The following SYT1 variants were observed in gnomAD, a reference collection of about 807,000 sequenced individuals.
SYT1 encodes synaptotagmin-1.
SYT1 carries 8 observed loss-of-function variants against 44.8 expected under a neutral mutation model. The observed-to-expected ratio is 0.18, with a 90% CI of 0.10 to 0.32. The LOEUF (loss-of-function observed/expected upper bound fraction) is 0.32. Ranked by LOEUF, SYT1 falls within the 10% of genes least tolerant of loss-of-function variation. The pLI, the probability that SYT1 is intolerant of heterozygous loss-of-function variation, is 1.00. For missense variants in SYT1, 286 were observed against 509.3 expected (o/e 0.56, Z 4.22); for synonymous variants, 154 against 188.8 (o/e 0.82, Z 1.51).
chr12:79,249,730 A>G (rs1877083058), intron 4 of SYT1, among the ~76,000 whole-genome samples: 1 of 152,202 alleles, frequency 6.6e-6, no homozygotes, highest in Non-Finnish European at 1.5e-5. Flanking sequence ...CTTTACTCCT[A>G]TCAATGAACC....
chr12:79,285,078 C>A (rs569337150), intron 4 of SYT1, among the ~76,000 whole-genome samples: 3 of 152,072 alleles, frequency 2.0e-5, no homozygotes, highest in Non-Finnish European at 2.9e-5. Context: ...TAAGAGCCAC[C>A]GAACACATGA....
chr12:79,054,042 C>A (rs1394941963), intron 3 of SYT1, among the ~76,000 whole-genome samples: 1 of 151,994 alleles, frequency 6.6e-6, no homozygotes, highest in Non-Finnish European at 1.5e-5. Flanking sequence ...AGGCATTGAA[C>A]TAAATTTCAT....
At chr12:79,355,178 G>C (rs942720210) in intron 9 of SYT1, among the ~76,000 whole-genome samples, 1 of 152,136 alleles carries the variant, frequency 6.6e-6, no homozygotes. Flanking sequence ...AGAGAGGCTG[G>C]CTGCAGGCAT....
chr12:78,998,309 T>G (rs1870509687), intron 2 of SYT1, among the ~76,000 whole-genome samples: 1 of 152,224 alleles, frequency 6.6e-6, no homozygotes, highest in Non-Finnish European at 1.5e-5. Context: ...CAGTCAGGAT[T>G]TGACATGAAA....
chr12:79,124,125 T>G (rs1226859148), intron 3 of SYT1, among the ~76,000 whole-genome samples: 1 of 152,174 alleles, frequency 6.6e-6, no homozygotes, highest in African/African-American at 2.4e-5. Context: ...CTCTTGCAAA[T>G]AGCTGATCAA....
chr12:79,239,971 C>T (rs538790557), intron 4 of SYT1, among the ~76,000 whole-genome samples: 2 of 152,332 alleles, frequency 1.3e-5, no homozygotes, highest in African/African-American at 4.8e-5. Flanking sequence ...CAACTGGGCT[C>T]ACCCAGGACA....
intron 3 of SYT1, among the ~76,000 whole-genome samples, chr12:79,050,406 C>T (rs537675290): frequency 2.0e-5 from 3 of 151,902 alleles, no homozygotes; most frequent in African/African-American, 7.2e-5. Flanking sequence ...TAGTTCAAAC[C>T]CGTGTTGTTC....
chr12:79,150,550 TA>T, intron 3 of SYT1, among the ~76,000 whole-genome samples: 1 of 152,270 alleles, frequency 6.6e-6, no homozygotes, highest in Non-Finnish European at 1.5e-5. Flanking sequence ...AGACCATAGT[TA>T]ATAATAATGT....
intron 10 of SYT1, among the ~76,000 whole-genome samples, chr12:79,447,072 T>C (rs1870776800): frequency 6.6e-6 from 1 of 152,180 alleles, no homozygotes; most frequent in Non-Finnish European, 1.5e-5. Context: ...GCTAGGTTTC[T>C]GGGGCAGCAT....
At chr12:79,327,045 T>A (rs959227604) in intron 8 of SYT1, among the ~76,000 whole-genome samples, 13 of 152,154 alleles carry the variant, frequency 8.5e-5, no homozygotes, top group African/African-American at 3.1e-4. Context: ...ATGTTCCTAT[T>A]AAGGCAGTCA....
At chr12:79,348,998 GGAAA>G (rs71865653) in intron 8 of SYT1, among the ~76,000 whole-genome samples, 7,177 of 125,306 alleles carry the variant, frequency 0.057, 394 homozygotes, top group African/African-American at 0.15. Flanking sequence ...AAAGAGAGAA[GGAAA>G]GAAAGAAAGA....
At position 79,114,287 on chromosome 12, in the gene SYT1, G is replaced by A. The variant is rs560660768; in HGVS notation, c.-18+66925G>A. 5.3e-5 allele frequency among the ~76,000 whole-genome samples: 8 copies of A among 152,290 alleles called. No individual in the cohort carries two copies. In the South Asian group the frequency reaches 8.3e-4, roughly 16 times the overall value. On this transcript the variant is annotated intron_variant, in intron 3 of 10. Coordinates refer to ENST00000261205, the MANE Select transcript of SYT1 (RefSeq NM_005639.3). The stretch of plus-strand genomic sequence containing the variant: ...TAATTCATTCCATTCATGCAGTACA[G>A]AGCCTAAGGGAAAATATTTTTTACT...
chr12:79,064,791 C>T (rs942959244), intron 3 of SYT1, among the ~76,000 whole-genome samples: 7 of 151,324 alleles, frequency 4.6e-5, no homozygotes, highest in African/African-American at 1.2e-4. Context: ...AACTATTCTG[C>T]ACCCCAAACA....
intron 8 of SYT1, among the ~76,000 whole-genome samples, chr12:79,332,237 C>G (rs1309494184): frequency 1.3e-5 from 2 of 152,184 alleles, no homozygotes; most frequent in Admixed American, 6.5e-5. Flanking sequence ...AAATTCACAT[C>G]ATACATTTGC....
At chr12:78,921,692 A>G (rs1367932996) in intron 1 of SYT1, among the ~76,000 whole-genome samples, 1 of 151,954 alleles carries the variant, frequency 6.6e-6, no homozygotes, top group Non-Finnish European at 1.5e-5. Flanking sequence ...CATATTTAAC[A>G]GTGAACTCTG....
At position 78,932,491 on chromosome 12, in the gene SYT1, G is replaced by A. The variant is rs901489787; in HGVS notation, c.-216-45308G>A. Among the ~76,000 whole-genome samples, 6 of 152,170 alleles carry A rather than the reference G, an allele frequency of 3.9e-5. No individual in the cohort carries two copies. In the East Asian group the frequency reaches 5.8e-4, roughly 15 times the overall value. ...AATGTCATATGAAAATACAAATTTTGAAAGGATACTATTGCAATGAGCTGT... is the reference window on the plus strand; with the variant it reads ...AATGTCATATGAAAATACAAATTTTAAAAGGATACTATTGCAATGAGCTGT... On this transcript the variant is annotated intron_variant, in intron 1 of 10. Transcript: ENST00000261205.
Position 79,117,410 on chromosome 12 carries a change from C to G in SYT1, c.-18+70048C>G, listed in dbSNP as rs529592337. Among the ~76,000 whole-genome samples the G allele has an allele frequency of 5.1e-4, 77 of 151,922 alleles. 1 individual carries two copies. The South Asian group carries it at 0.015, about 30-fold the overall frequency. The stretch of plus-strand genomic sequence containing the variant: ...CAATTTATTTCAATTTCAGAAGGAG[C>G]AACCAACTCCACAGTGGATGACTGC... On this transcript the variant is annotated intron_variant, in intron 3 of 10. Transcript: ENST00000261205.
chr12:79,034,014 G>A (rs1234542571), intron 2 of SYT1, among the ~76,000 whole-genome samples: 2 of 151,456 alleles, frequency 1.3e-5, no homozygotes, highest in African/African-American at 4.8e-5. Context: ...AAAGTAGTAT[G>A]ACAAATGTTT....
At chr12:79,123,308 AATGTGTGTGTGT>A (rs1291106608) in intron 3 of SYT1, among the ~76,000 whole-genome samples, 7 of 96,534 alleles carry the variant, frequency 7.3e-5, no homozygotes, top group South Asian at 3.9e-4. Flanking sequence ...CTAAAAATGC[AATGTGTGTGTGT>A]GTGTGTGTGT....
Sources: gnomAD v4.1 joint callset for allele counts (sites outside exome capture counted in the v4.1 genomes callset) on GRCh38, gnomAD v4.1.1 for gene constraint, MANE v1.5 for transcripts, NCBI Gene and HGNC (gene_info 2026-07-23, HGNC 2026-07-21) for gene names.